Variants in WWTR1 observed in about 807,000 individuals in gnomAD.
The protein encoded by WWTR1 is WW domain containing transcription regulator 1.
A neutral mutation model predicts 40.1 loss-of-function variants in WWTR1; 13 were observed. The observed-to-expected ratio is 0.32, with a 90% CI of 0.21 to 0.52. The LOEUF (loss-of-function observed/expected upper bound fraction) is 0.52, where lower values mean the gene tolerates loss of function less well. Ranked by LOEUF, WWTR1 falls within the 20% of genes least tolerant of loss-of-function variation. The pLI is 0.97. For synonymous variants in WWTR1, 230 were observed against 210.1 expected, an observed-to-expected ratio of 1.09 and a Z score of -0.82; for missense variants, 436 against 523.1, an observed-to-expected ratio of 0.83 and a Z score of 1.63.
At chr3:149,614,919 T>A (rs1739895126) in intron 2 of WWTR1, among the ~76,000 whole-genome samples, 1 of 151,098 alleles carries the variant, frequency 6.6e-6, no homozygotes, top group Non-Finnish European at 1.5e-5. Flanking sequence ...GGAGGTGGAG[T>A]TTACAGTGAG....
intron 3 of WWTR1, among the ~76,000 whole-genome samples, chr3:149,559,308 A>G (rs893671807): frequency 1.3e-5 from 2 of 148,866 alleles, no homozygotes; most frequent in Non-Finnish European, 3.0e-5. Context: ...AAAAAAAAAA[A>G]AAAAAGAAAA....
intron 6 of WWTR1, among the ~76,000 whole-genome samples, chr3:149,521,508 T>G (rs1033205404): frequency 2.0e-5 from 3 of 152,226 alleles, no homozygotes; most frequent in Non-Finnish European, 4.4e-5. Flanking sequence ...ACCTACACCC[T>G]ACAACTATCT....
intron 3 of WWTR1, among the ~76,000 whole-genome samples, chr3:149,567,549 C>G (rs1737391983): frequency 6.6e-6 from 1 of 152,168 alleles, no homozygotes; most frequent in South Asian, 2.1e-4. Context: ...ATGGTTGGGT[C>G]TTCCTGAAGG....
chr3:149,607,663 T>C (rs1185907682), intron 2 of WWTR1, among the ~76,000 whole-genome samples: 1 of 152,178 alleles, frequency 6.6e-6, no homozygotes, highest in Non-Finnish European at 1.5e-5. Flanking sequence ...TTCCCTAAAG[T>C]TTTAAATTGA....
chr3:149,717,345 A>C (rs368605577), intron 5 of WWTR1: 1 of 152,250 alleles, frequency 6.6e-6, no homozygotes, highest in African/African-American at 2.4e-5. Flanking sequence ...CAAACAAAAA[A>C]GATTATGAAC....
intron 1 of WWTR1, among the ~76,000 whole-genome samples, chr3:149,680,797 A>G (rs1477233045): frequency 6.6e-6 from 1 of 151,910 alleles, no homozygotes; most frequent in Non-Finnish European, 1.5e-5. Flanking sequence ...AGCTATGACC[A>G]TGCCACTTCA....
intron 1 of WWTR1, among the ~76,000 whole-genome samples, chr3:149,678,068 G>A (rs932767028): frequency 2.0e-5 from 3 of 152,112 alleles, no homozygotes; most frequent in Admixed American, 2.0e-4. Context: ...ACCACACCCA[G>A]CCAGTTGATG....
chr3:149,565,443 A>C (rs1737270722), intron 3 of WWTR1, among the ~76,000 whole-genome samples: 1 of 152,104 alleles, frequency 6.6e-6, no homozygotes, highest in African/African-American at 2.4e-5. Context: ...CCTAATCTTA[A>C]TAAAGACTCA....
chr3:149,683,985 A>C (rs1714546409), intron 1 of WWTR1, among the ~76,000 whole-genome samples: 1 of 152,300 alleles, frequency 6.6e-6, no homozygotes, highest in South Asian at 2.1e-4. Context: ...CACTCCAGTT[A>C]TTCATTGTTG....
intron 3 of WWTR1, among the ~76,000 whole-genome samples, chr3:149,568,255 G>A (rs1310789807): frequency 2.7e-5 from 4 of 146,974 alleles, no homozygotes; most frequent in African/African-American, 8.1e-5. Flanking sequence ...GTGTGGTGGC[G>A]GGCGCCTGTA....
At chr3:149,702,583 T>G (rs986448541) in intron 1 of WWTR1, 1 of 151,964 alleles carries the variant, frequency 6.6e-6, no homozygotes, top group Non-Finnish European at 1.5e-5. Context: ...TAGCAAATAG[T>G]AAGCACTAAG....
intron 2 of WWTR1, among the ~76,000 whole-genome samples, chr3:149,624,376 C>G (rs554710011): frequency 1.2e-3 from 186 of 152,336 alleles, no homozygotes; most frequent in African/African-American, 4.2e-3. Context: ...GGATCTGGAG[C>G]CAACCTTGGC....
At chr3:149,675,553 C>T (rs929473673) in intron 1 of WWTR1, among the ~76,000 whole-genome samples, 7 of 151,954 alleles carry the variant, frequency 4.6e-5, no homozygotes, top group African/African-American at 7.3e-5. Flanking sequence ...ATAATGGTAC[C>T]GAAGAAATTT....
intron 1 of WWTR1, among the ~76,000 whole-genome samples, chr3:149,677,578 C>T (rs937039729): frequency 4.6e-5 from 7 of 152,110 alleles, no homozygotes; most frequent in Non-Finnish European, 7.3e-5. Flanking sequence ...TAATGTATCA[C>T]GCCTGTAATC....
At chr3:149,715,540 C>T (rs1184784883) in intron 5 of WWTR1, among the ~76,000 whole-genome samples, 2 of 152,242 alleles carry the variant, frequency 1.3e-5, no homozygotes, top group Non-Finnish European at 2.9e-5. Context: ...ACACCTGACT[C>T]AGTCTCCCTT....
At chr3:149,603,937 T>C (rs1739372789) in intron 2 of WWTR1, among the ~76,000 whole-genome samples, 1 of 151,364 alleles carries the variant, frequency 6.6e-6, no homozygotes, top group South Asian at 2.1e-4. Flanking sequence ...TCAGTGATAG[T>C]ATTTTGCCAC....
Position 149,548,102 on chromosome 3 carries a change from G to A in WWTR1, c.569-5565C>T, listed in dbSNP as rs1351565963. On this transcript the variant is annotated intron_variant, in intron 3 of 6. Coordinates refer to ENST00000360632, the MANE Select transcript of WWTR1 (RefSeq NM_015472.6). Reference sequence around the variant, plus strand: ...TACGTAGGACATGACCCTCTGGTTAGTGCTGCCTGGGGCAATATACACTTG... The same window carrying A: ...TACGTAGGACATGACCCTCTGGTTAATGCTGCCTGGGGCAATATACACTTG... Among the ~76,000 whole-genome samples the A allele has an allele frequency of 2.6e-5, 4 of 152,094 alleles. No individual in the cohort carries two copies. In the South Asian group the frequency reaches 6.2e-4, roughly 24 times the overall value.
At chr3:149,538,161 C>T (rs1268059293) in intron 4 of WWTR1, among the ~76,000 whole-genome samples, 1 of 152,208 alleles carries the variant, frequency 6.6e-6, no homozygotes, top group African/African-American at 2.4e-5. Context: ...CTCAAGTGAT[C>T]TGCCCGCCTT....
rs1055999590 is a variant in WWTR1, at chr3:149,519,149, T to C, written c.*1656A>G. On this transcript the variant is annotated 3_prime_UTR_variant, in exon 7 of 7. Coordinates refer to ENST00000360632, the MANE Select transcript of WWTR1 (RefSeq NM_015472.6). ...AATATTAGTTCAAAATATTAAACAG[T>C]TGAGGACTTCATTGGCAATGCAGGC... The C allele has an allele frequency of 3.3e-5, 5 of 152,148 alleles. No individual in the cohort carries two copies. The highest frequency in any genetic ancestry group is 1.2e-4 in the African/African-American group (5 of 41,444). The allele number at this position is 152,148 out of a possible 1,614,324, so 9.4% of individuals were successfully genotyped here.
Sources: allele counts gnomAD v4.1 joint callset (sites outside exome capture counted in the v4.1 genomes callset), GRCh38; gene constraint gnomAD v4.1.1; transcripts MANE v1.5; gene names NCBI Gene and HGNC (gene_info 2026-07-23, HGNC 2026-07-21).